The following WDR1 variants were observed in gnomAD, a reference collection of about 807,000 sequenced individuals.
WDR1 encodes the protein WD repeat domain 1.
Under a neutral mutation model 71.9 loss-of-function variants are expected in WDR1, and 21 were observed. That is an observed-to-expected ratio of 0.29 (90% confidence interval 0.21 to 0.42). WDR1 has a LOEUF of 0.42. Ranked by LOEUF, WDR1 falls within the 10% of genes least tolerant of loss-of-function variation. WDR1 has a pLI of 1.00. For synonymous variants in WDR1, 424 were observed against 347.4 expected (o/e 1.22, Z -2.45); for missense variants, 696 against 824.5 (o/e 0.84, Z 1.91).
At chr4:10,091,044 GC>G (rs879884593) in intron 5 of WDR1, among the ~76,000 whole-genome samples, 3 of 152,204 alleles carry the variant, frequency 2.0e-5, no homozygotes, top group East Asian at 1.9e-4. Flanking sequence ...CCCTTTGCCT[GC>G]CCCCCGCACC....
chr4:10,105,397 G>C (rs767141250), intron 2 of WDR1, among the ~76,000 whole-genome samples: 1 of 152,194 alleles, frequency 6.6e-6, no homozygotes, highest in Non-Finnish European at 1.5e-5. Flanking sequence ...AGCATTATGT[G>C]ATATAATAGA....
At chr4:10,076,172 A>G (rs1024473301) in intron 14 of WDR1, 1 of 152,550 alleles carries the variant, frequency 6.6e-6, no homozygotes, top group Non-Finnish European at 1.5e-5. Context: ...AGCCCCACCT[A>G]GACAGGGTGA....
chr4:10,098,714 C>T (rs1712508710), intron 4 of WDR1, among the ~76,000 whole-genome samples: 1 of 152,238 alleles, frequency 6.6e-6, no homozygotes, highest in South Asian at 2.1e-4. Context: ...TTGCTGCCTG[C>T]AGGTGGGCAT....
intron 5 of WDR1, among the ~76,000 whole-genome samples, chr4:10,093,312 CCT>C (rs1205553372): frequency 2.0e-5 from 3 of 152,244 alleles, no homozygotes; most frequent in South Asian, 2.1e-4. Context: ...CTCTCGGTCC[CCT>C]GTGCCCAGTC....
rs921769437 is a variant in WDR1, at chr4:10,087,569, A to T, written c.951+138T>A. 19 of 831,878 alleles carry T rather than the reference A, an allele frequency of 2.3e-5. 1 individual carries two copies. The Admixed American group carries it at 4.3e-4, about 19-fold the overall frequency. 51.5% of individuals were successfully genotyped at this position (831,878 alleles called of 1,614,324 possible). On this transcript the variant is annotated intron_variant, in intron 8 of 14. Coordinates refer to ENST00000499869, the MANE Select transcript of WDR1 (RefSeq NM_017491.5). ...AACCAGCATCCCAGCCTTCCACCAA[A>T]ACCCCAAGGGCCAAGGAGGCCTGAG... is the stretch of plus-strand genomic sequence containing the variant.
rs868174972 is a variant in WDR1 at position 10,103,925 on chromosome 4, G to A, written c.200C>T (p.Ala67Val). The change falls in exon 3 of 15, where the codon GCG (alanine) becomes GTG (valine). Residue 67 changes from alanine (A) to valine (V), a missense_variant. Physicochemically the swap from Ala to Val is moderately conservative, Grantham distance 64. Coordinates refer to ENST00000499869, the MANE Select transcript of WDR1 (RefSeq NM_017491.5). ...HAHQVVVAKYAPSGFYIASGD... is the reference protein window; with the variant it reads ...HAHQVVVAKYVPSGFYIASGD... ...GGAGGCAATGTAGAATCCGCTGGGCGCATACTTGGCCACCACCACCTGATG... is the reference window on the plus strand; with the variant it reads ...GGAGGCAATGTAGAATCCGCTGGGCACATACTTGGCCACCACCACCTGATG... The A allele has an allele frequency of 1.9e-6, 3 of 1,598,266 alleles. No individual in the cohort carries two copies. The highest frequency in any genetic ancestry group is 1.7e-6 in the Non-Finnish European group (2 of 1,172,790).
At chr4:10,101,778 C>T (rs907427981) in intron 3 of WDR1, among the ~76,000 whole-genome samples, 1 of 152,244 alleles carries the variant, frequency 6.6e-6, no homozygotes, top group African/African-American at 2.4e-5. Context: ...CAGGCAGGAG[C>T]GGAGGCCCTT....
chr4:10,089,279 C>G (rs1310541757), intron 5 of WDR1, among the ~76,000 whole-genome samples: 1 of 152,196 alleles, frequency 6.6e-6, no homozygotes, highest in Non-Finnish European at 1.5e-5. Flanking sequence ...TGGCTAATTT[C>G]TGTATTTTTA....
At chr4:10,111,064 G>A (rs1408423079) in intron 2 of WDR1, among the ~76,000 whole-genome samples, 2 of 152,230 alleles carry the variant, frequency 1.3e-5, no homozygotes, top group African/African-American at 2.4e-5. Flanking sequence ...TCATCTTTGA[G>A]CAGCTTCCTA....
chr4:10,104,072 A>C (rs757441427), intron 2 of WDR1, 86 bp from the exon 3 acceptor site: 11 of 1,356,362 alleles, frequency 8.1e-6, no homozygotes, highest in Non-Finnish European at 1.1e-5. Flanking sequence ...ATGGGGTGAA[A>C]GGGGTGTACA....
At chr4:10,080,448 C>A (rs1237623682) in intron 11 of WDR1, among the ~76,000 whole-genome samples, 1 of 152,240 alleles carries the variant, frequency 6.6e-6, no homozygotes. Flanking sequence ...CTCCCCACCC[C>A]CACTGGCTGT....
chr4:10,104,545 C>T (rs1037969267), intron 2 of WDR1, among the ~76,000 whole-genome samples: 4 of 152,220 alleles, frequency 2.6e-5, no homozygotes, highest in Non-Finnish European at 5.9e-5. Context: ...CCTTGCATAG[C>T]ACAGATCAAA....
At chr4:10,085,766 C>A (rs1765184909) in intron 8 of WDR1, among the ~76,000 whole-genome samples, 1 of 152,248 alleles carries the variant, frequency 6.6e-6, no homozygotes, top group African/African-American at 2.4e-5. Context: ...TTAGAGCTCC[C>A]AGGTGGTTCT....
At chr4:10,099,366 C>T (rs1299852575) in intron 3 of WDR1, among the ~76,000 whole-genome samples, 1 of 152,238 alleles carries the variant, frequency 6.6e-6, no homozygotes, top group East Asian at 1.9e-4. Context: ...CAGAGGCCTG[C>T]CATTTGGGCC....
intron 11 of WDR1, 116 bp from the exon 12 acceptor site, chr4:10,079,117 C>T (rs1764914243): frequency 1.3e-6 from 1 of 773,504 alleles, no homozygotes. Context: ...GCTCCATACC[C>T]AACCTCTTTG....
chr4:10,078,810 C>A, intron 12 of WDR1, 81 bp downstream of exon 12: 4 of 1,236,360 alleles, frequency 3.2e-6, no homozygotes, highest in Non-Finnish European at 4.6e-6. Context: ...GAGACAGCCC[C>A]GGTACTCACA....
chr4:10,111,189 CGCTATGGTAGGGCTGT>C (rs1713332815), intron 2 of WDR1, among the ~76,000 whole-genome samples: 1 of 152,178 alleles, frequency 6.6e-6, no homozygotes, highest in Non-Finnish European at 1.5e-5. Context: ...AGCAGGGCTG[CGCTATGGTAGGGCTGT>C]GTGAGCCACC....
intron 5 of WDR1, among the ~76,000 whole-genome samples, chr4:10,095,663 T>C (rs925127079): frequency 6.6e-6 from 1 of 152,236 alleles, no homozygotes; most frequent in African/African-American, 2.4e-5. Flanking sequence ...CTGAGCACCC[T>C]TCCTGTCCTT....
intron 3 of WDR1, among the ~76,000 whole-genome samples, chr4:10,100,292 T>C (rs950005603): frequency 1.3e-4 from 20 of 152,164 alleles, no homozygotes; most frequent in African/African-American, 4.6e-4. Flanking sequence ...ACAGGCTTTG[T>C]GGGGCTCAGC....
Sources: gnomAD v4.1 joint callset for allele counts (sites outside exome capture counted in the v4.1 genomes callset) on GRCh38, gnomAD v4.1.1 for gene constraint, MANE v1.5 for transcripts, NCBI Gene and HGNC (gene_info 2026-07-23, HGNC 2026-07-21) for gene names.